ZFP1: variants seen among roughly 807,000 people sequenced by gnomAD.
The protein encoded by ZFP1 is ZFP1 zinc finger protein.
ZFP1 carries 32 observed loss-of-function variants against 38.5 expected under a neutral mutation model. The observed-to-expected ratio is 0.83, with a 90% CI of 0.63 to 1.12. The LOEUF (loss-of-function observed/expected upper bound fraction) is 1.12, where lower values mean the gene tolerates loss of function less well. ZFP1 is among the 50% of genes most tolerant of loss of function. ZFP1 has a pLI of 0.00. For missense variants in ZFP1, 616 were observed against 480.8 expected (o/e 1.28, Z -2.63); for synonymous variants, 245 against 168.8 (o/e 1.45, Z -3.50).
the ZFP1 span, among the ~76,000 whole-genome samples, chr16:75,140,288 G>C: frequency 6.6e-6 from 1 of 150,736 alleles, no homozygotes; most frequent in Admixed American, 6.6e-5. Context: ...AAAAGTTGAG[G>C]CCAGGTGTGG....
chr16:75,153,174 G>A (rs534483206), intron 2 of ZFP1, among the ~76,000 whole-genome samples: 3 of 152,284 alleles, frequency 2.0e-5, no homozygotes, highest in African/African-American at 7.2e-5. Context: ...CTGTACATTA[G>A]GTCTGAATAA....
At position 75,169,548 on chromosome 16, in the gene ZFP1, A is replaced by G. The variant is rs774626963; in HGVS notation, c.438A>G (p.Gln146=). 1.1e-5 allele frequency: 17 copies of G among 1,612,420 alleles called. No homozygotes were observed. The highest frequency in any genetic ancestry group is 1.4e-5 in the Non-Finnish European group (17 of 1,179,704). Residue 146 remains glutamine, a synonymous_variant, in exon 4 of 4, where the codon CAA becomes CAG. Transcript: ENST00000570010. The stretch of plus-strand genomic sequence containing the variant: ...GAAAAGCACTTCTCTACCTGAAGCA[A>G]GAGAAAACCCACAGTGGAGTAGAAT... The part of the protein sequence containing the change: ...EFGKALLYLK[Q]EKTHSGVEYS...
chr16:75,169,530 A>G lies in ZFP1; in HGVS notation c.420A>G (p.Ala140=), dbSNP rs1323322102. The change falls in exon 4 of 4, where the codon GCA becomes GCG. Residue 140 remains alanine (A), a synonymous_variant. Coordinates refer to ENST00000570010, the MANE Select transcript of ZFP1 (RefSeq NM_153688.4). ...QTDECNEFGK[A]LLYLKQEKTH... Reference sequence around the variant, plus strand: ...ATGAGTGTAATGAATTTGGAAAAGCACTTCTCTACCTGAAGCAAGAGAAAA... The same window carrying G: ...ATGAGTGTAATGAATTTGGAAAAGCGCTTCTCTACCTGAAGCAAGAGAAAA... 1 of 1,613,096 alleles carries G rather than the reference A, an allele frequency of 6.2e-7. No individual in the cohort carries two copies. The highest frequency in any genetic ancestry group is 2.2e-5 in the East Asian group (1 of 44,864).
In ZFP1 at chr16:75,171,270, G is replaced by A. The variant is rs769625282; in HGVS notation, c.*936G>A. 5.3e-5 allele frequency: 8 copies of A among 152,134 alleles called. No homozygotes were observed. The highest frequency in any genetic ancestry group is 1.4e-4 in the African/African-American group (6 of 41,422). 9.4% of individuals were successfully genotyped at this position (152,134 alleles called of 1,614,324 possible). A position where few individuals can be genotyped will look rare whatever the true frequency, so the allele number is the denominator to read the frequency against. ...TTTCATGAATTGTCTAGCAAAAATG[G>A]TAGGATGCTTCTGTAGTTCACAAAT... On this transcript the variant is annotated 3_prime_UTR_variant, in exon 4 of 4. Transcript: ENST00000570010.
rs569968071 is a variant in ZFP1, at chr16:75,154,046, G to A, written c.15+1080G>A. ...ATGCTGGCCAACACGGTGAAACCCC[G>A]TCTCTAGTAAAAAAAAAAGTACAAA... On this transcript the variant is annotated intron_variant, in intron 2 of 3. Coordinates refer to ENST00000570010, the MANE Select transcript of ZFP1 (RefSeq NM_153688.4). Among the ~76,000 whole-genome samples, 51 of 152,164 alleles carry A rather than the reference G, an allele frequency of 3.4e-4. No homozygotes were observed. The South Asian group carries it at 6.6e-3, about 20-fold the overall frequency.
At chr16:75,159,276 A>ACTTCCCTTC (rs2037628782) in intron 2 of ZFP1, among the ~76,000 whole-genome samples, 1 of 67,682 alleles carries the variant, frequency 1.5e-5, no homozygotes, top group Non-Finnish European at 2.9e-5. Context: ...TCCTTCCCTC[A>ACTTCCCTTC]CTTCCCTTCC....
At chr16:75,132,030 C>A in the ZFP1 span, among the ~76,000 whole-genome samples, 15 of 151,948 alleles carry the variant, frequency 9.9e-5, no homozygotes, top group African/African-American at 3.4e-4. Context: ...TTGGTTGATG[C>A]GTCTCATAAA....
At position 75,169,507 on chromosome 16, in the gene ZFP1, G is replaced by A. The variant is rs145294564; in HGVS notation, c.397G>A (p.Glu133Lys). 3.1e-6 allele frequency: 5 copies of A among 1,613,146 alleles called. No individual in the cohort carries two copies. The highest frequency in any genetic ancestry group is 2.7e-5 in the African/African-American group (2 of 74,820). ...AAGCTATGCAGGAAAGCAGACTGAT[G>A]AGTGTAATGAATTTGGAAAAGCACT... ...NRSYAGKQTD[E>K]CNEFGKALLY... The change falls in exon 4 of 4, where the codon GAG becomes AAG. Residue 133 changes from glutamate to lysine, a missense_variant. Coordinates refer to ENST00000570010, the MANE Select transcript of ZFP1 (RefSeq NM_153688.4).
At chr16:75,164,231 C>T (rs952410652) in intron 2 of ZFP1, among the ~76,000 whole-genome samples, 1 of 151,966 alleles carries the variant, frequency 6.6e-6, no homozygotes, top group Non-Finnish European at 1.5e-5. Context: ...GTTTTTAAAC[C>T]CTGAAGGTCT....
At chr16:75,136,370 C>T in the ZFP1 span, among the ~76,000 whole-genome samples, 1 of 152,078 alleles carries the variant, frequency 6.6e-6, no homozygotes, top group South Asian at 2.1e-4. Context: ...CGTCGACAGT[C>T]CTACTATGGC....
At chr16:75,136,501 T>C in the ZFP1 span, among the ~76,000 whole-genome samples, 1 of 152,188 alleles carries the variant, frequency 6.6e-6, no homozygotes, top group Admixed American at 6.6e-5. Flanking sequence ...CATATGATAA[T>C]GAATTACAAT....
chr16:75,129,679 C>G, the ZFP1 span, among the ~76,000 whole-genome samples: 4 of 152,170 alleles, frequency 2.6e-5, no homozygotes, highest in Non-Finnish European at 4.4e-5. Flanking sequence ...TCATGTTTCC[C>G]TAAAATGTAA....
At position 75,169,965 on chromosome 16, in the gene ZFP1, A is replaced by G; in HGVS notation, c.855A>G (p.Thr285=). The G allele has an allele frequency of 6.2e-7, 1 of 1,614,228 alleles. No homozygotes were observed. The highest frequency in any genetic ancestry group is 8.5e-7 in the Non-Finnish European group (1 of 1,180,038). ...KTFAQKFELT[T]HQRIHTGERP... is the part of the protein sequence containing the mutation. Reference sequence around the variant, plus strand: ...TTGCCCAAAAGTTTGAACTCACCACACACCAGAGAATTCATACAGGAGAGC... The same window carrying G: ...TTGCCCAAAAGTTTGAACTCACCACGCACCAGAGAATTCATACAGGAGAGC... Residue 285 remains threonine, a synonymous_variant, in exon 4 of 4, where the codon ACA becomes ACG. Transcript: ENST00000570010.
Position 75,169,980 on chromosome 16 carries a change from T to C in ZFP1, c.870T>C (p.His290=), listed in dbSNP as rs1350223603. The change falls in exon 4 of 4, where the codon CAT becomes CAC. Residue 290 remains histidine (H), a synonymous_variant. Coordinates refer to ENST00000570010, the MANE Select transcript of ZFP1 (RefSeq NM_153688.4). ...AACTCACCACACACCAGAGAATTCA[T>C]ACAGGAGAGCGACCCTATGAGTGTA... ...KFELTTHQRI[H]TGERPYECNE... 1 of 1,614,170 alleles carries C rather than the reference T, an allele frequency of 6.2e-7. No individual in the cohort carries two copies. Among genetic ancestry groups the C allele is most frequent in the Non-Finnish European group, 8.5e-7 (1 of 1,180,034 alleles).
intron 2 of ZFP1, among the ~76,000 whole-genome samples, chr16:75,160,774 C>G (rs2037730798): frequency 6.6e-6 from 1 of 152,008 alleles, no homozygotes; most frequent in Non-Finnish European, 1.5e-5. Context: ...ACTTGAAATG[C>G]TGCATCCTTC....
rs56041903 is a variant in ZFP1, at chr16:75,148,545, G to C, written c.-142G>C. ...GGCCGCCCTTCCCCCACCACCAGCG[G>C]CGAGTGGGTGACAGAGCCCCCGTCT... On this transcript the variant is annotated 5_prime_UTR_variant, in exon 1 of 4. Coordinates refer to ENST00000570010, the MANE Select transcript of ZFP1 (RefSeq NM_153688.4). 13,163 of 152,362 alleles carry C rather than the reference G, an allele frequency of 0.086. 761 individuals are homozygous for C. Among genetic ancestry groups the C allele is most frequent in the Non-Finnish European group, 0.13 (8,516 of 68,064 alleles). The allele number at this position is 152,362 out of a possible 1,614,324, so 9.4% of individuals were successfully genotyped here.
intron 1 of ZFP1, chr16:75,148,908 G>A (rs115077910): frequency 6.6e-6 from 1 of 152,066 alleles, no homozygotes; most frequent in Admixed American, 6.6e-5. Flanking sequence ...CAGGAGATGC[G>A]CCTCAGACGG....
Position 75,170,049 on chromosome 16 carries a change from A to C in ZFP1, c.939A>C (p.Ile313=), listed in dbSNP as rs758701890. The C allele has an allele frequency of 3.7e-6, 6 of 1,614,228 alleles. No homozygotes were observed. In the South Asian group the frequency reaches 4.4e-5, roughly 12 times the overall value. The change falls in exon 4 of 4, where the codon ATA becomes ATC. Residue 313 remains isoleucine, a synonymous_variant. Transcript: ENST00000570010. The part of the protein sequence containing the change: ...KTFFKKSNLI[I]HQKIHTGEKR... ...TCTTTAAGAAGTCAAACCTTATCAT[A>C]CATCAGAAGATTCACACGGGGGAGA...
chr16:75,142,980 G>T, the ZFP1 span, among the ~76,000 whole-genome samples: 1 of 152,096 alleles, frequency 6.6e-6, no homozygotes, highest in African/African-American at 2.4e-5. Context: ...GGGATTACAG[G>T]CCTGAGCCAC....
Sources: allele counts gnomAD v4.1 joint callset (sites outside exome capture counted in the v4.1 genomes callset), GRCh38; gene constraint gnomAD v4.1.1; transcripts MANE v1.5; gene names NCBI Gene and HGNC (gene_info 2026-07-23, HGNC 2026-07-21).